AFF4: variants seen among roughly 807,000 people sequenced by gnomAD.
The protein encoded by AFF4 is AF4/FMR2 family member 4.
In AFF4, 13 loss-of-function variants were observed where a neutral mutation model predicts 124.8. The observed-to-expected ratio is 0.10, with a 90% CI of 0.07 to 0.17. The LOEUF (loss-of-function observed/expected upper bound fraction) is 0.17, where lower values mean the gene tolerates loss of function less well. Ranked by LOEUF, AFF4 falls within the 10% of genes least tolerant of loss-of-function variation. The probability of loss-of-function intolerance (pLI) is 1.00; values close to 1 mark genes in which losing one functional copy is unlikely to be tolerated. For missense variants in AFF4, 1,092 were observed against 1,403.8 expected (o/e 0.78, Z 3.55); for synonymous variants, 477 against 496.1 (o/e 0.96, Z 0.51).
intron 1 of AFF4, among the ~76,000 whole-genome samples, chr5:132,954,629 G>T (rs1305409221): frequency 6.9e-6 from 1 of 144,208 alleles, no homozygotes. Flanking sequence ...CTCACTGCAA[G>T]CTCCGCCTCC....
chr5:132,881,157 C>G lies in AFF4; in HGVS notation c.3394G>C (p.Gly1132Arg). ...EFFAELDKVMGPLIFNASIMT... is the reference protein window; with the variant it reads ...EFFAELDKVMRPLIFNASIMT... ...ATGCTTGCATTAAAGATGAGAGGGC[C>G]CATTACTTTATCCAGTTCAGCAAAG... The change falls in exon 21 of 21, where the codon GGC becomes CGC. Residue 1132 changes from glycine to arginine, a missense_variant. Around this residue, in one of 11 missense-constraint regions of AFF4, gnomAD observed 173 missense variants for 294.9 expected, o/e 0.59. Coordinates refer to ENST00000265343, the MANE Select transcript of AFF4 (RefSeq NM_014423.4). The G allele has an allele frequency of 6.2e-7, 1 of 1,614,068 alleles. No individual in the cohort carries two copies. Among genetic ancestry groups the G allele is most frequent in the Non-Finnish European group, 8.5e-7 (1 of 1,179,976 alleles).
intron 11 of AFF4, among the ~76,000 whole-genome samples, chr5:132,895,915 T>TA (rs3839338): frequency 0.32 from 48,966 of 152,122 alleles, 8,095 homozygotes; most frequent in Middle Eastern, 0.4. Flanking sequence ...ATTAGTTATT[T>TA]AAGTGTGACT....
chr5:132,904,744 G>A (rs1040431299), intron 5 of AFF4, among the ~76,000 whole-genome samples: 81 of 152,060 alleles, frequency 5.3e-4, no homozygotes, highest in African/African-American at 1.7e-3. Context: ...AGGTAATACC[G>A]AAGACAGTGT....
At position 132,955,795 on chromosome 5, in the gene AFF4, A is replaced by AATAT. The variant is rs966690877; in HGVS notation, c.-5+7460_-5+7463dup. ...TCCATCTCAAAAAAAAAAAAAAAAA[A>AATAT]ATATATATATATATATATACACACA... On this transcript the variant is annotated intron_variant, in intron 1 of 20. Coordinates refer to ENST00000265343, the MANE Select transcript of AFF4 (RefSeq NM_014423.4). Among the ~76,000 whole-genome samples, 254 of 117,476 alleles carry AATAT rather than the reference A, an allele frequency of 2.2e-3. 7 individuals carry two copies. The highest frequency in any genetic ancestry group is 7.4e-3 in the African/African-American group (205 of 27,886). 77.1% of individuals were successfully genotyped at this position (117,476 alleles called of 152,430 possible).
chr5:132,931,887 T>G (rs1761307704), intron 4 of AFF4, among the ~76,000 whole-genome samples: 2 of 152,112 alleles, frequency 1.3e-5, no homozygotes, highest in Non-Finnish European at 2.9e-5. Flanking sequence ...GAGGTTGCAG[T>G]GAGCCAAGAT....
chr5:132,880,068 G>GA lies in AFF4; in HGVS notation c.*990dup, dbSNP rs1288984453. 1 of 395,942 alleles carries GA rather than the reference G, an allele frequency of 2.5e-6. No homozygotes were observed. Among genetic ancestry groups the GA allele is most frequent in the African/African-American group, 2.1e-5 (1 of 48,522 alleles). The allele number at this position is 395,942 out of a possible 1,614,324, so 24.5% of individuals were successfully genotyped here. A position where few individuals can be genotyped will look rare whatever the true frequency, so the allele number is the denominator to read the frequency against. ...AATCCAGTATGAGGGGGAAAAATCTGAAAAATAACTCTAACTATCAAAGAT... is the reference window on the plus strand; with the variant it reads ...AATCCAGTATGAGGGGGAAAAATCTGAAAAAATAACTCTAACTATCAAAGAT... On this transcript the variant is annotated 3_prime_UTR_variant, in exon 21 of 21. Coordinates refer to ENST00000265343, the MANE Select transcript of AFF4 (RefSeq NM_014423.4).
chr5:132,949,767 C>T (rs1761792606), intron 1 of AFF4, among the ~76,000 whole-genome samples: 1 of 147,486 alleles, frequency 6.8e-6, no homozygotes, highest in African/African-American at 2.5e-5. Context: ...GAGGCTGAGG[C>T]GAGAGAATGG....
In AFF4 at chr5:132,890,315, G is replaced by C. The variant is rs1280656603; in HGVS notation, c.2638-1142C>G. On this transcript the variant is annotated intron_variant, in intron 13 of 20. Transcript: ENST00000265343. ...GAAAGGGTCTCACTCTGTCGCCTAGGTTGGAGTGCAGTGGTGCAATCATGG... is the reference window on the plus strand; with the variant it reads ...GAAAGGGTCTCACTCTGTCGCCTAGCTTGGAGTGCAGTGGTGCAATCATGG... Among the ~76,000 whole-genome samples, 3 of 151,836 alleles carry C rather than the reference G, an allele frequency of 2.0e-5. No individual in the cohort carries two copies. The East Asian group carries it at 5.8e-4, about 29-fold the overall frequency.
At chr5:132,960,809 T>C (rs370266789) in intron 1 of AFF4, among the ~76,000 whole-genome samples, 28 of 152,268 alleles carry the variant, frequency 1.8e-4, no homozygotes, top group African/African-American at 6.5e-4. Flanking sequence ...TAGTACTTCC[T>C]CAAAGACCCT....
At chr5:132,913,974 T>C (rs1760852105) in intron 5 of AFF4, among the ~76,000 whole-genome samples, 1 of 152,104 alleles carries the variant, frequency 6.6e-6, no homozygotes, top group Non-Finnish European at 1.5e-5. Flanking sequence ...ACCCCTGTAA[T>C]CCCAGCACTT....
At chr5:132,927,964 G>A (rs1561499007) in intron 4 of AFF4, among the ~76,000 whole-genome samples, 2 of 152,176 alleles carry the variant, frequency 1.3e-5, no homozygotes, top group African/African-American at 2.4e-5. Flanking sequence ...ATAAGCCAAG[G>A]AGACAGAAGT....
chr5:132,922,809 A>G (rs1055283376), intron 5 of AFF4, among the ~76,000 whole-genome samples: 3 of 151,700 alleles, frequency 2.0e-5, no homozygotes, highest in Non-Finnish European at 4.4e-5. Flanking sequence ...AAAAACTAGA[A>G]GCAACCCAAA....
In AFF4 at chr5:132,896,576, T is replaced by C. The variant is rs1760404885; in HGVS notation, c.2054A>G (p.Asp685Gly). The change falls in exon 11 of 21, where the codon GAT becomes GGT. Residue 685 changes from aspartate (D) to glycine (G), a missense_variant. By Grantham distance (94) the Asp-to-Gly change is moderately conservative. This residue lies in a region of AFF4 where 293 missense variants were observed against 280.2 expected (regional missense o/e 1.05). Transcript: ENST00000265343. ...GAACATTCGTTGCCGAAAAAAGCTA[T>C]CTTCTTCCTCCACTGAGGAGGGTTT... The part of the protein sequence containing the change: ...PVKPSSVEEE[D>G]SFFRQRMFSP... 6.2e-7 allele frequency: 1 copy of C among 1,614,002 alleles called. No individual in the cohort carries two copies. Among genetic ancestry groups the C allele is most frequent in the South Asian group, 1.1e-5 (1 of 91,082 alleles).
intron 5 of AFF4, chr5:132,926,195 T>C (rs1190142778): frequency 6.3e-6 from 3 of 473,524 alleles, no homozygotes; most frequent in East Asian, 5.5e-5. Flanking sequence ...TACATGAATA[T>C]AAAAAAGACT....
At chr5:132,914,838 A>G (rs920213674) in intron 5 of AFF4, among the ~76,000 whole-genome samples, 3 of 152,214 alleles carry the variant, frequency 2.0e-5, no homozygotes, top group Non-Finnish European at 4.4e-5. Flanking sequence ...AATATTATAA[A>G]AAACTTACAG....
chr5:132,912,854 A>AACACACAC (rs71221402), intron 5 of AFF4, among the ~76,000 whole-genome samples: 38 of 146,644 alleles, frequency 2.6e-4, no homozygotes, highest in African/African-American at 9.5e-4. Context: ...ACACACACAC[A>AACACACAC]ACACACACAC....
chr5:132,895,022 T>C (rs1760353049), intron 11 of AFF4, among the ~76,000 whole-genome samples: 2 of 152,154 alleles, frequency 1.3e-5, no homozygotes, highest in Non-Finnish European at 2.9e-5. Context: ...GGACCATTTT[T>C]TAAAATTCCA....
At chr5:132,961,058 C>T (rs1459547742) in intron 1 of AFF4, among the ~76,000 whole-genome samples, 2 of 151,998 alleles carry the variant, frequency 1.3e-5, no homozygotes, top group Non-Finnish European at 2.9e-5. Flanking sequence ...CCCGTCTCTA[C>T]TAAAAATACA....
intron 4 of AFF4, among the ~76,000 whole-genome samples, chr5:132,927,774 T>C (rs891375854): frequency 4.6e-5 from 7 of 152,210 alleles, no homozygotes; most frequent in African/African-American, 1.7e-4. Context: ...CTATAGAGCC[T>C]ATATATACTC....
Sources: gnomAD v4.1 joint callset for allele counts (sites outside exome capture counted in the v4.1 genomes callset) on GRCh38, gnomAD v4.1.1 for gene constraint, gnomAD v4.1.1 regional missense constraint, MANE v1.5 for transcripts, NCBI Gene and HGNC (gene_info 2026-07-23, HGNC 2026-07-21) for gene names.